Variants in ARHGAP5 observed in about 807,000 individuals in gnomAD.
ARHGAP5 encodes the protein rho GTPase-activating protein 5.
A neutral mutation model predicts 116.6 loss-of-function variants in ARHGAP5; 23 were observed. The ratio of observed to expected loss-of-function variants is 0.20; its 90% CI spans 0.14 to 0.28. The LOEUF (loss-of-function observed/expected upper bound fraction) is 0.28. Ranked by LOEUF, ARHGAP5 falls within the 10% of genes least tolerant of loss-of-function variation. The pLI is 1.00. For synonymous variants in ARHGAP5, 574 were observed against 602.0 expected (o/e 0.95, Z 0.68); for missense variants, 1,405 against 1,774.8 (o/e 0.79, Z 3.74).
intron 5 of ARHGAP5, among the ~76,000 whole-genome samples, chr14:32,150,560 T>C (rs1341006678): frequency 6.6e-6 from 1 of 152,146 alleles, no homozygotes; most frequent in Non-Finnish European, 1.5e-5. Flanking sequence ...GAGAGCACAC[T>C]CAGAGAGTAA....
At chr14:32,139,970 A>G (rs1211751050) in intron 3 of ARHGAP5, among the ~76,000 whole-genome samples, 1 of 150,496 alleles carries the variant, frequency 6.6e-6, no homozygotes, top group Non-Finnish European at 1.5e-5. Context: ...ATTGCTAACA[A>G]TAGGATAATA....
At chr14:32,098,846 A>G (rs956671179) in intron 2 of ARHGAP5, among the ~76,000 whole-genome samples, 2 of 152,210 alleles carry the variant, frequency 1.3e-5, no homozygotes, top group African/African-American at 4.8e-5. Context: ...ACTAGTTACC[A>G]ATGTTAGAGA....
In ARHGAP5 at chr14:32,155,205, A is replaced by C; in HGVS notation, c.*257A>C. On this transcript the variant is annotated 3_prime_UTR_variant, in exon 7 of 7. Transcript: ENST00000345122. ...CAAAGCTGCTGCTGCATGCAACCTT[A>C]TTGCAATCAGTATATCATTCCTGTG... The C allele has an allele frequency of 2.6e-6, 1 of 383,786 alleles. No individual in the cohort carries two copies. Among genetic ancestry groups the C allele is most frequent in the Non-Finnish European group, 4.7e-6 (1 of 212,236 alleles). The allele number at this position is 383,786 out of a possible 1,614,324, so 23.8% of individuals were successfully genotyped here. A position where few individuals can be genotyped will look rare whatever the true frequency, so the allele number is the denominator to read the frequency against.
intron 5 of ARHGAP5, 95 bp downstream of exon 5, chr14:32,150,128 A>G: frequency 9.8e-7 from 1 of 1,021,670 alleles, no homozygotes. Flanking sequence ...TAGAATATGT[A>G]GCTAATAAAA....
chr14:32,142,616 G>A (rs1881178130), intron 3 of ARHGAP5, among the ~76,000 whole-genome samples: 1 of 152,320 alleles, frequency 6.6e-6, no homozygotes, highest in Middle Eastern at 3.4e-3. Flanking sequence ...CCTTCAGAGA[G>A]CCAAAAGACA....
intron 1 of ARHGAP5, among the ~76,000 whole-genome samples, chr14:32,080,748 T>C (rs2041763736): frequency 1.3e-5 from 2 of 152,070 alleles, no homozygotes; most frequent in Admixed American, 6.6e-5. Flanking sequence ...AGCAGGAGTT[T>C]AGATGTAAGA....
chr14:32,130,357 G>C (rs1427441429), intron 3 of ARHGAP5, among the ~76,000 whole-genome samples: 2 of 148,338 alleles, frequency 1.3e-5, no homozygotes, highest in Non-Finnish European at 3.0e-5. Flanking sequence ...GATTACAGGT[G>C]CCTGCTATCA....
rs145904404 is a variant in ARHGAP5, at chr14:32,091,150, T to C, written c.481T>C (p.Leu161=). The change falls in exon 2 of 7, where the codon TTA becomes CTA. Residue 161 remains leucine (L), a synonymous_variant. Coordinates refer to ENST00000345122, the MANE Select transcript of ARHGAP5 (RefSeq NM_001030055.2). ...EGKLNVDGFL[L]CIDVSQGCNR... Reference sequence around the variant, plus strand: ...GAAGCTCAACGTAGATGGATTTTTATTATGCATTGATGTAAGTCAAGGATG... The same window carrying C: ...GAAGCTCAACGTAGATGGATTTTTACTATGCATTGATGTAAGTCAAGGATG... 2 of 1,613,674 alleles carry C rather than the reference T, an allele frequency of 1.2e-6. No homozygotes were observed. The highest frequency in any genetic ancestry group is 1.7e-6 in the Non-Finnish European group (2 of 1,179,634).
chr14:32,153,078 A>G (rs1402681710), intron 6 of ARHGAP5, among the ~76,000 whole-genome samples: 3 of 148,308 alleles, frequency 2.0e-5, no homozygotes, highest in Admixed American at 2.0e-4. Flanking sequence ...AACTAATAGT[A>G]TCAACACCCA....
intron 3 of ARHGAP5, among the ~76,000 whole-genome samples, chr14:32,119,397 C>T (rs1879769066): frequency 6.6e-6 from 1 of 151,920 alleles, no homozygotes; most frequent in Non-Finnish European, 1.5e-5. Flanking sequence ...ATAATCAGTC[C>T]TCTTATTTAA....
chr14:32,139,043 C>G (rs1449537854), intron 3 of ARHGAP5, among the ~76,000 whole-genome samples: 2 of 151,650 alleles, frequency 1.3e-5, no homozygotes, highest in African/African-American at 2.4e-5. Flanking sequence ...ACTACCCTTG[C>G]TTTTTTTGGA....
At chr14:32,127,307 C>T (rs1366645480) in intron 3 of ARHGAP5, among the ~76,000 whole-genome samples, 2 of 152,072 alleles carry the variant, frequency 1.3e-5, no homozygotes, top group East Asian at 1.9e-4. Flanking sequence ...TTTTTCTAGG[C>T]AGAGGACCCT....
rs528829355 is a variant in ARHGAP5 at position 32,116,788 on chromosome 14, A to C, written c.3718-352A>C. Among the ~76,000 whole-genome samples, 4 of 152,340 alleles carry C rather than the reference A, an allele frequency of 2.6e-5. No homozygotes were observed. In the South Asian group the frequency reaches 8.3e-4, roughly 32 times the overall value. ...TCACTCGGACCTGCTTCAAGAGACC[A>C]AATGAAATTAATATATCACACCTAA... On this transcript the variant is annotated intron_variant, in intron 2 of 6. Coordinates refer to ENST00000345122, the MANE Select transcript of ARHGAP5 (RefSeq NM_001030055.2).
chr14:32,089,796 A>G (rs189189781), intron 1 of ARHGAP5, among the ~76,000 whole-genome samples: 10 of 151,912 alleles, frequency 6.6e-5, no homozygotes, highest in East Asian at 3.9e-4. Flanking sequence ...AAATTTCGTT[A>G]TATTTTGCAG....
At chr14:32,081,513 C>T (rs1040072395) in intron 1 of ARHGAP5, among the ~76,000 whole-genome samples, 8 of 140,916 alleles carry the variant, frequency 5.7e-5, no homozygotes, top group African/African-American at 2.2e-4. Flanking sequence ...CGCGCCACTG[C>T]ACTCCAGCCT....
chr14:32,089,495 CT>C (rs1251930590), intron 1 of ARHGAP5, among the ~76,000 whole-genome samples: 1 of 151,782 alleles, frequency 6.6e-6, no homozygotes, highest in African/African-American at 2.4e-5. Context: ...TCTCTAAAAA[CT>C]TTTTTAAAAG....
rs771258677 is a variant in ARHGAP5, at chr14:32,093,993, T to A, written c.3324T>A (p.Ile1108=). 26 of 1,613,496 alleles carry A rather than the reference T, an allele frequency of 1.6e-5. No homozygotes were observed. The highest frequency in any genetic ancestry group is 1.7e-6 in the Non-Finnish European group (2 of 1,179,914). The change falls in exon 2 of 7, where the codon ATT becomes ATA. Residue 1108 remains isoleucine, a synonymous_variant. Transcript: ENST00000345122. ...IFKQKGYSDE[I]YVVPDDSQNR... ...AACAGAAGGGCTATTCTGATGAGATTTATGTTGTCCCAGATGATAGTCAAA... is the reference window on the plus strand; with the variant it reads ...AACAGAAGGGCTATTCTGATGAGATATATGTTGTCCCAGATGATAGTCAAA...
intron 3 of ARHGAP5, among the ~76,000 whole-genome samples, chr14:32,134,326 C>T (rs1423762066): frequency 6.6e-6 from 1 of 152,002 alleles, no homozygotes; most frequent in African/African-American, 2.4e-5. Flanking sequence ...ATATATGTAT[C>T]CCCCTCCCCA....
Position 32,155,273 on chromosome 14 carries a change from G to C in ARHGAP5, c.*325G>C, listed in dbSNP as rs779124522. ...ATATTGTGAATAAAATTTTTCTATA[G>C]AAATTAAATGATTTAAAAACTCACC... is the stretch of plus-strand genomic sequence containing the variant. On this transcript the variant is annotated 3_prime_UTR_variant, in exon 7 of 7. Coordinates refer to ENST00000345122, the MANE Select transcript of ARHGAP5 (RefSeq NM_001030055.2). The C allele has an allele frequency of 1.5e-4, 28 of 180,858 alleles. No homozygotes were observed. Among genetic ancestry groups the C allele is most frequent in the Non-Finnish European group, 2.4e-4 (21 of 86,102 alleles). 11.2% of individuals were successfully genotyped at this position (180,858 alleles called of 1,614,324 possible).
Sources: allele counts gnomAD v4.1 joint callset (sites outside exome capture counted in the v4.1 genomes callset), GRCh38; gene constraint gnomAD v4.1.1; transcripts MANE v1.5; gene names NCBI Gene and HGNC (gene_info 2026-07-23, HGNC 2026-07-21).